The following COL21A1 variants were observed in gnomAD, a reference collection of about 807,000 sequenced individuals.
COL21A1 encodes collagen type XXI alpha 1 chain, also known as collagen alpha-1(XXI) chain.
COL21A1 carries 149 observed loss-of-function variants against 137.9 expected under a neutral mutation model. The ratio of observed to expected loss-of-function variants is 1.08; its 90% CI spans 0.95 to 1.24. The LOEUF (loss-of-function observed/expected upper bound fraction) is 1.24. Among genes scored for constraint, COL21A1 ranks in the 50% most tolerant of loss-of-function variants. The pLI is 0.00. For synonymous variants in COL21A1, 456 were observed against 391.5 expected, an observed-to-expected ratio of 1.16 and a Z score of -1.95; for missense variants, 1,167 against 1,158.4, an observed-to-expected ratio of 1.01 and a Z score of -0.11.
At chr6:56,386,682 T>C (rs867509636) in intron 1 of COL21A1, among the ~76,000 whole-genome samples, 18 of 152,302 alleles carry the variant, frequency 1.2e-4, no homozygotes, top group Middle Eastern at 6.8e-3. Flanking sequence ...TCCCTAGTGA[T>C]TAATGATTCT....
At chr6:56,297,584 C>T (rs1764191796) in intron 1 of COL21A1, among the ~76,000 whole-genome samples, 1 of 152,056 alleles carries the variant, frequency 6.6e-6, no homozygotes, top group Non-Finnish European at 1.5e-5. Context: ...CTGACTGTAA[C>T]TTATTTGGCT....
At chr6:56,362,168 A>G (rs1216845031) in intron 1 of COL21A1, among the ~76,000 whole-genome samples, 1 of 152,210 alleles carries the variant, frequency 6.6e-6, no homozygotes, top group Non-Finnish European at 1.5e-5. Context: ...CAGCCAAGCT[A>G]GAGAGATACT....
Position 56,120,901 on chromosome 6 carries a change from G to A in COL21A1, c.1758+3161C>T, listed in dbSNP as rs1319305455. ...AAGAAAGGAAATCAGCATATTAAAG[G>A]GATATCTGCACTTCTGTGTTTCTGG... is the stretch of plus-strand genomic sequence containing the variant. On this transcript the variant is annotated intron_variant, in intron 16 of 29. Transcript: ENST00000244728. Among the ~76,000 whole-genome samples, 20 of 152,036 alleles carry A rather than the reference G, an allele frequency of 1.3e-4. 1 individual carries two copies. The highest frequency in any genetic ancestry group is 1.3e-3 in the Admixed American group (20 of 15,260).
intron 3 of COL21A1, among the ~76,000 whole-genome samples, chr6:56,177,723 C>G (rs901957540): frequency 2.2e-5 from 3 of 133,416 alleles, no homozygotes; most frequent in African/African-American, 8.6e-5. Flanking sequence ...ACCCGGGAGG[C>G]GGAGCTTGAA....
intron 10 of COL21A1, among the ~76,000 whole-genome samples, chr6:56,145,197 A>G (rs564516079): frequency 6.6e-6 from 1 of 152,320 alleles, no homozygotes; most frequent in Non-Finnish European, 1.5e-5. Context: ...ACATGGCCTC[A>G]GTGTATTTTG....
chr6:56,275,281 C>T (rs9475649), intron 1 of COL21A1, among the ~76,000 whole-genome samples: 59,318 of 151,854 alleles, frequency 0.39, 13,120 homozygotes, highest in African/African-American at 0.59. Flanking sequence ...ACAGGAGATA[C>T]CCTTCTCTAC....
intron 16 of COL21A1, among the ~76,000 whole-genome samples, chr6:56,113,211 T>C (rs932756396): frequency 2.6e-4 from 40 of 152,292 alleles, no homozygotes; most frequent in African/African-American, 8.9e-4. Context: ...GAGACCCACA[T>C]TGGGGCAGCC....
upstream of COL21A1, among the ~76,000 whole-genome samples, chr6:56,248,483 C>T (rs1782760168): frequency 6.6e-6 from 1 of 152,220 alleles, no homozygotes; most frequent in African/African-American, 2.4e-5. Context: ...TTCAACAGAT[C>T]ACTTATTGCT....
At chr6:56,122,873 G>A (rs140873688) in intron 16 of COL21A1, among the ~76,000 whole-genome samples, 5 of 152,096 alleles carry the variant, frequency 3.3e-5, no homozygotes, top group African/African-American at 4.8e-5. Context: ...CTCTATTTTC[G>A]AAATAGAAAC....
At chr6:56,280,820 G>A (rs1763771752) in intron 1 of COL21A1, among the ~76,000 whole-genome samples, 1 of 152,010 alleles carries the variant, frequency 6.6e-6, no homozygotes, top group Admixed American at 6.6e-5. Context: ...AGACCACCCT[G>A]GGCAACATGG....
chr6:56,330,949 C>T (rs1765206896), intron 1 of COL21A1, among the ~76,000 whole-genome samples: 1 of 151,964 alleles, frequency 6.6e-6, no homozygotes, highest in African/African-American at 2.4e-5. Flanking sequence ...TTTCTCCATG[C>T]CAACATCTGT....
At chr6:56,115,399 C>T (rs1290850831) in intron 16 of COL21A1, among the ~76,000 whole-genome samples, 2 of 152,024 alleles carry the variant, frequency 1.3e-5, no homozygotes, top group African/African-American at 4.8e-5. Flanking sequence ...GAGAATTCTC[C>T]CAGACTTTGT....
At chr6:56,255,334 GGT>G (rs71783697) in intron 1 of COL21A1, among the ~76,000 whole-genome samples, 16,112 of 145,480 alleles carry the variant, frequency 0.11, 928 homozygotes, top group Middle Eastern at 0.19. Context: ...TTGTTAAGAG[GGT>G]GTGTGTGTGT....
At chr6:56,328,073 T>C (rs187782764) in intron 1 of COL21A1, among the ~76,000 whole-genome samples, 1 of 152,106 alleles carries the variant, frequency 6.6e-6, no homozygotes, top group Non-Finnish European at 1.5e-5. Flanking sequence ...TTTTAAATGT[T>C]TGTTTTAAGG....
intron 16 of COL21A1, 23 bp from the exon 17 acceptor site, chr6:56,101,548 A>T (rs1360296916): frequency 6.4e-7 from 1 of 1,559,472 alleles, no homozygotes; most frequent in Non-Finnish European, 8.7e-7. Flanking sequence ...TGACAAAAAG[A>T]AATAGAGAAT....
chr6:56,171,011 T>C lies in COL21A1; in HGVS notation c.758A>G (p.Lys253Arg), dbSNP rs756720309. The C allele has an allele frequency of 1.2e-6, 2 of 1,603,978 alleles. No homozygotes were observed. Among genetic ancestry groups the C allele is most frequent in the South Asian group, 2.2e-5 (2 of 89,246 alleles). The change falls in exon 4 of 30, where the codon AAG (lysine) becomes AGG (arginine). Residue 253 changes from lysine (K) to arginine (R), a missense_variant. By Grantham distance (26) the Lys-to-Arg change is conservative. Coordinates refer to ENST00000244728, the MANE Select transcript of COL21A1 (RefSeq NM_030820.4). ...VKKRIQLSPK[K>R]IKGYEVTSKV... ...TGATGTTACTTCATATCCTTTTATC[T>C]TTTTTGGTGAAAGCTGTATTCTTTT...
Position 56,276,258 on chromosome 6 carries a change from A to G in COL21A1, c.-38-93602T>C, listed in dbSNP as rs1042927590. Among the ~76,000 whole-genome samples, 5 of 152,140 alleles carry G rather than the reference A, an allele frequency of 3.3e-5. No individual in the cohort carries two copies. The South Asian group carries it at 6.2e-4, about 19-fold the overall frequency. On this transcript the variant is annotated intron_variant, in intron 1 of 28. Coordinates refer to the COL21A1 transcript ENST00000370819. ...ATGAGTACGGGTTGAAAAACTGTCT[A>G]TTGGGTACTATACTCAGTACTTGGG...
intron 1 of COL21A1, among the ~76,000 whole-genome samples, chr6:56,387,240 A>G (rs1296941751): frequency 6.6e-6 from 1 of 152,248 alleles, no homozygotes; most frequent in Non-Finnish European, 1.5e-5. Context: ...GCCTCTAAAT[A>G]TTCGTCACCC....
chr6:56,271,450 G>A (rs1763523729), intron 1 of COL21A1, among the ~76,000 whole-genome samples: 1 of 152,166 alleles, frequency 6.6e-6, no homozygotes, highest in South Asian at 2.1e-4. Flanking sequence ...CATTCACAAA[G>A]AGATGACTTG....
Sources: gnomAD v4.1 joint callset for allele counts (sites outside exome capture counted in the v4.1 genomes callset) on GRCh38, gnomAD v4.1.1 for gene constraint, MANE v1.5 for transcripts, NCBI Gene and HGNC (gene_info 2026-07-23, HGNC 2026-07-21) for gene names.